The following COG5 variants were observed in gnomAD, a reference collection of about 807,000 sequenced individuals.
The protein encoded by COG5 is component of oligomeric golgi complex 5.
COG5 carries 86 observed loss-of-function variants against 110.4 expected under a neutral mutation model. The observed-to-expected ratio is 0.78, with a 90% CI of 0.65 to 0.93. COG5 has a LOEUF of 0.93. COG5 is among the 40% of genes least tolerant of loss of function. The pLI is 0.00. For missense variants in COG5, 1,077 were observed against 987.0 expected (o/e 1.09, Z -1.22); for synonymous variants, 360 against 334.6 (o/e 1.08, Z -0.83).
At chr7:107,203,773 CT>C in intron 21 of COG5, 143 bp from the exon 22 acceptor site, 1 of 661,598 alleles carries the variant, frequency 1.5e-6, no homozygotes, top group South Asian at 1.7e-5. Context: ...GACCAACAGC[CT>C]TCACTCAGTT....
chr7:107,537,937 C>T (rs2520262), intron 5 of COG5, among the ~76,000 whole-genome samples: 91,133 of 151,946 alleles, frequency 0.6, 30,067 homozygotes, highest in African/African-American at 0.9. Flanking sequence ...TTTAGGCAGA[C>T]AATAAGGGCA....
chr7:107,281,177 T>C, intron 14 of COG5, 123 bp downstream of exon 14: 1 of 757,212 alleles, frequency 1.3e-6, no homozygotes. Context: ...GTTACAAACT[T>C]TCACTACAGT....
chr7:107,292,231 C>T (rs1806234799), intron 12 of COG5, among the ~76,000 whole-genome samples: 1 of 152,054 alleles, frequency 6.6e-6, no homozygotes, highest in African/African-American at 2.4e-5. Flanking sequence ...GAGACGGGGT[C>T]TGTTTTGCTC....
rs1040569063 is a variant in COG5, at chr7:107,377,932, G to A, written c.670-5172C>T. On this transcript the variant is annotated intron_variant, in intron 7 of 21. Transcript: ENST00000297135. ...AAGCAAGCTCTGCTAAGGGACAGAC[G>A]GCCTCCTCAAGTAGGTTCCTGACCA... is the stretch of plus-strand genomic sequence containing the variant. 6.6e-5 allele frequency among the ~76,000 whole-genome samples: 10 copies of A among 152,138 alleles called. No homozygotes were observed. In the East Asian group the frequency reaches 9.6e-4, roughly 15 times the overall value.
In COG5 at chr7:107,221,633, C is replaced by T. The variant is rs1161019323; in HGVS notation, c.2168+8982G>A. On this transcript the variant is annotated intron_variant, in intron 19 of 21. Coordinates refer to ENST00000297135, the MANE Select transcript of COG5 (RefSeq NM_006348.5). ...CAAAAAAATTAGCCGGGCATGGTAG[C>T]GTGTGCCTGTAGTCCCAGCCACTCG... Among the ~76,000 whole-genome samples the T allele has an allele frequency of 3.3e-5, 5 of 151,804 alleles. No individual in the cohort carries two copies. The East Asian group carries it at 5.8e-4, about 18-fold the overall frequency.
chr7:107,275,618 C>G (rs758865013), intron 14 of COG5, among the ~76,000 whole-genome samples: 1 of 151,922 alleles, frequency 6.6e-6, no homozygotes, highest in Non-Finnish European at 1.5e-5. Context: ...TGCAGTGGTG[C>G]AAGCTAAGCT....
At chr7:107,416,186 A>G (rs1224355304) in intron 6 of COG5, among the ~76,000 whole-genome samples, 1 of 151,910 alleles carries the variant, frequency 6.6e-6, no homozygotes, top group Non-Finnish European at 1.5e-5. Flanking sequence ...GTGTATCAGA[A>G]GACATGTACA....
chr7:107,476,303 T>C (rs1385002986), intron 6 of COG5, among the ~76,000 whole-genome samples: 1 of 111,806 alleles, frequency 8.9e-6, no homozygotes, highest in Non-Finnish European at 2.1e-5. Flanking sequence ...ATACCAGGAA[T>C]GAAAAAAAAA....
chr7:107,347,585 G>GA (rs760815790), intron 10 of COG5, among the ~76,000 whole-genome samples: 11 of 152,150 alleles, frequency 7.2e-5, no homozygotes, highest in Non-Finnish European at 8.8e-5. Context: ...GGAGGATAGT[G>GA]AATGTTCCCA....
chr7:107,498,242 A>C (rs995049290), intron 6 of COG5, among the ~76,000 whole-genome samples: 1 of 152,214 alleles, frequency 6.6e-6, no homozygotes, highest in Non-Finnish European at 1.5e-5. Flanking sequence ...CACAGATGTG[A>C]CCAAAAACAC....
At chr7:107,215,222 C>G (rs985058662) in intron 19 of COG5, among the ~76,000 whole-genome samples, 2 of 152,014 alleles carry the variant, frequency 1.3e-5, no homozygotes, top group Admixed American at 6.5e-5. Context: ...CAAAGGAGGA[C>G]AGCAAGAGAG....
chr7:107,522,658 C>T (rs758040659), intron 6 of COG5, among the ~76,000 whole-genome samples: 4 of 151,956 alleles, frequency 2.6e-5, no homozygotes, highest in Admixed American at 1.3e-4. Flanking sequence ...TCTTCTGAGT[C>T]TCCTACTTTA....
chr7:107,364,149 T>C (rs561010177), intron 8 of COG5, among the ~76,000 whole-genome samples: 24 of 152,332 alleles, frequency 1.6e-4, no homozygotes, highest in South Asian at 8.3e-4. Flanking sequence ...TTTCCTGATA[T>C]GATGTAATAG....
At chr7:107,528,507 A>G (rs1311326520) in intron 5 of COG5, among the ~76,000 whole-genome samples, 3 of 152,230 alleles carry the variant, frequency 2.0e-5, no homozygotes, top group African/African-American at 7.2e-5. Flanking sequence ...AAAGGCTGAG[A>G]TAAGAAATAA....
chr7:107,365,411 C>T (rs748623316), intron 8 of COG5, among the ~76,000 whole-genome samples: 1 of 151,376 alleles, frequency 6.6e-6, no homozygotes, highest in African/African-American at 2.4e-5. Context: ...GCATGCATGC[C>T]AGTTGCTGTA....
chr7:107,368,898 T>C (rs1013725522), intron 8 of COG5, among the ~76,000 whole-genome samples: 4 of 152,180 alleles, frequency 2.6e-5, no homozygotes, highest in African/African-American at 9.7e-5. Context: ...TAAAGTGAAG[T>C]TTCCTTGTAC....
intron 14 of COG5, among the ~76,000 whole-genome samples, chr7:107,273,939 T>C (rs1480910488): frequency 6.6e-6 from 1 of 152,170 alleles, no homozygotes; most frequent in African/African-American, 2.4e-5. Flanking sequence ...GAGGTCAACA[T>C]ATATAATTTA....
chr7:107,251,133 C>CAAAAAAAAAA (rs564589238), intron 16 of COG5, among the ~76,000 whole-genome samples: 2 of 54,854 alleles, frequency 3.6e-5, no homozygotes, highest in Non-Finnish European at 4.3e-5. Context: ...TGAAACTAGC[C>CAAAAAAAAAA]AAAAAAAAAA....
chr7:107,434,419 C>A (rs2129082021), intron 6 of COG5, among the ~76,000 whole-genome samples: 1 of 152,230 alleles, frequency 6.6e-6, no homozygotes, highest in East Asian at 1.9e-4. Flanking sequence ...TAAAAAGCAA[C>A]CCAAAAGTCC....
Sources: allele counts gnomAD v4.1 joint callset (sites outside exome capture counted in the v4.1 genomes callset), GRCh38; gene constraint gnomAD v4.1.1; transcripts MANE v1.5; gene names NCBI Gene and HGNC (gene_info 2026-07-23, HGNC 2026-07-21).